FMN2: variants seen among roughly 807,000 people sequenced by gnomAD.
FMN2 encodes the protein formin-2.
Under a neutral mutation model 142.3 loss-of-function variants are expected in FMN2, and 51 were observed. That is an observed-to-expected ratio of 0.36 (90% confidence interval 0.29 to 0.45). FMN2 has a LOEUF of 0.45. Ranked by LOEUF, FMN2 falls within the 20% of genes least tolerant of loss-of-function variation. FMN2 has a pLI of 1.00. For synonymous variants in FMN2, 882 were observed against 869.8 expected (o/e 1.01, Z -0.25); for missense variants, 1,936 against 2,122.8 (o/e 0.91, Z 1.73).
chr1:240,257,026 T>G (rs768386125), intron 6 of FMN2, among the ~76,000 whole-genome samples: 44 of 152,214 alleles, frequency 2.9e-4, no homozygotes, highest in Non-Finnish European at 4.3e-4. Context: ...TCTGGTAATT[T>G]GACTATAACC....
At chr1:240,328,471 T>G (rs977066357) in intron 8 of FMN2, among the ~76,000 whole-genome samples, 6 of 152,022 alleles carry the variant, frequency 3.9e-5, no homozygotes, top group African/African-American at 9.7e-5. Context: ...CTTGAATGAA[T>G]AAACATTTCT....
At chr1:240,311,133 C>A (rs73122349) in intron 8 of FMN2, among the ~76,000 whole-genome samples, 1 of 152,060 alleles carries the variant, frequency 6.6e-6, no homozygotes, top group East Asian at 1.9e-4. Flanking sequence ...TAAATTTACA[C>A]TTCTCAGGAT....
At chr1:240,297,753 A>C (rs973217661) in intron 8 of FMN2, among the ~76,000 whole-genome samples, 1 of 152,144 alleles carries the variant, frequency 6.6e-6, no homozygotes, top group East Asian at 1.9e-4. Flanking sequence ...ACTGTGTCTT[A>C]GTCTGTTTGG....
intron 4 of FMN2, 39 bp from the exon 5 acceptor site, chr1:240,206,760 A>T: frequency 6.4e-7 from 1 of 1,557,220 alleles, no homozygotes; most frequent in South Asian, 1.2e-5. Context: ...ATTTTTCCTT[A>T]TTTCATAACT....
intron 3 of FMN2, chr1:240,180,275 G>T: frequency 3.8e-6 from 3 of 782,468 alleles, no homozygotes; most frequent in South Asian, 3.5e-5. Flanking sequence ...TGATCTAATG[G>T]GTCTTTCTAA....
chr1:240,419,220 G>A (rs1166541881), intron 15 of FMN2, among the ~76,000 whole-genome samples: 1 of 152,172 alleles, frequency 6.6e-6, no homozygotes, highest in African/African-American at 2.4e-5. Context: ...TTCGTTTTAT[G>A]CCTACATATC....
At chr1:240,237,396 C>T (rs1009586517) in intron 6 of FMN2, among the ~76,000 whole-genome samples, 3 of 152,164 alleles carry the variant, frequency 2.0e-5, no homozygotes, top group Non-Finnish European at 4.4e-5. Context: ...TTTGCACAGA[C>T]CATGTGATTT....
intron 7 of FMN2, among the ~76,000 whole-genome samples, chr1:240,274,636 A>G (rs989069060): frequency 1.1e-4 from 17 of 152,172 alleles, no homozygotes; most frequent in African/African-American, 4.1e-4. Flanking sequence ...CTGAGTGCAG[A>G]ATATCAAGAA....
intron 4 of FMN2, among the ~76,000 whole-genome samples, chr1:240,197,730 C>T (rs1300138741): frequency 2.0e-5 from 3 of 148,382 alleles, no homozygotes; most frequent in Non-Finnish European, 2.9e-5. Flanking sequence ...TTTCCTGTAC[C>T]CTCAGATGCA....
chr1:240,245,532 G>A, intron 6 of FMN2: 2 of 471,450 alleles, frequency 4.2e-6, no homozygotes, highest in South Asian at 3.1e-5. Context: ...TGAGCTCTAG[G>A]GGTTGTGAAA....
chr1:240,200,730 CA>C (rs1409074064), intron 4 of FMN2, among the ~76,000 whole-genome samples: 9 of 152,110 alleles, frequency 5.9e-5, no homozygotes, highest in African/African-American at 2.2e-4. Context: ...AAGATTCTAG[CA>C]GGTTGGTTTT....
chr1:240,380,540 C>T (rs572379052), intron 14 of FMN2, among the ~76,000 whole-genome samples: 11 of 151,952 alleles, frequency 7.2e-5, no homozygotes, highest in African/African-American at 2.4e-4. Context: ...AAAATATTTC[C>T]ACTTTTTTCC....
chr1:240,392,634 AT>A, intron 15 of FMN2, 72 bp downstream of exon 15: 1 of 1,188,844 alleles, frequency 8.4e-7, no homozygotes, highest in Non-Finnish European at 1.2e-6. Flanking sequence ...TAAGGAACCA[AT>A]TTTTAGTTCA....
chr1:240,132,866 T>A (rs1263049352), intron 2 of FMN2, among the ~76,000 whole-genome samples: 1 of 152,182 alleles, frequency 6.6e-6, no homozygotes, highest in Non-Finnish European at 1.5e-5. Flanking sequence ...GGCCTTTTCA[T>A]TACCTTCTTG....
At chr1:240,275,743 C>T (rs1042797169) in intron 7 of FMN2, among the ~76,000 whole-genome samples, 1 of 152,174 alleles carries the variant, frequency 6.6e-6, no homozygotes, top group Non-Finnish European at 1.5e-5. Context: ...CACATCCTCT[C>T]CAGCATCTGT....
chr1:240,277,842 A>G (rs4659568), intron 7 of FMN2, among the ~76,000 whole-genome samples: 88,840 of 151,920 alleles, frequency 0.58, 26,503 homozygotes, highest in East Asian at 0.72. Flanking sequence ...GCCCGTACCT[A>G]CATCTTCTAA....
intron 4 of FMN2, among the ~76,000 whole-genome samples, chr1:240,195,532 C>G (rs1189921622): frequency 6.6e-6 from 1 of 152,174 alleles, no homozygotes; most frequent in Middle Eastern, 3.2e-3. Flanking sequence ...AATAAAGTGT[C>G]TTTCAGCAGG....
intron 8 of FMN2, among the ~76,000 whole-genome samples, chr1:240,323,110 C>G (rs910885393): frequency 2.8e-5 from 4 of 142,552 alleles, no homozygotes; most frequent in Non-Finnish European, 6.1e-5. Context: ...TTTTTCTTTT[C>G]TTTTTTCTTT....
chr1:240,144,111 T>G, intron 2 of FMN2: 1 of 1,160,846 alleles, frequency 8.6e-7, no homozygotes. Flanking sequence ...GAGGCCACCA[T>G]CCACATCCCA....
Sources: allele counts gnomAD v4.1 joint callset (sites outside exome capture counted in the v4.1 genomes callset), GRCh38; gene constraint gnomAD v4.1.1; transcripts MANE v1.5; gene names NCBI Gene and HGNC (gene_info 2026-07-23, HGNC 2026-07-21).